Variants in LRP1B observed in about 807,000 individuals in gnomAD.
The protein encoded by LRP1B is LDL receptor related protein 1B.
LRP1B carries 217 observed loss-of-function variants against 556.6 expected under a neutral mutation model. The observed-to-expected ratio is 0.39, with a 90% CI of 0.35 to 0.44. The LOEUF is 0.44. Among genes scored for constraint, LRP1B ranks in the 20% least tolerant of loss-of-function variants. The pLI, the probability that LRP1B is intolerant of heterozygous loss-of-function variation, is 1.00. For synonymous variants in LRP1B, 2,047 were observed against 1,865.8 expected (o/e 1.10, Z -2.50); for missense variants, 5,053 against 5,620.8 (o/e 0.90, Z 3.23).
intron 1 of LRP1B, among the ~76,000 whole-genome samples, chr2:141,974,018 T>G (rs1272907736): frequency 6.6e-6 from 1 of 151,962 alleles, no homozygotes; most frequent in Non-Finnish European, 1.5e-5. Flanking sequence ...TTCTCTAGCA[T>G]GTACCAAATA....
intron 1 of LRP1B, among the ~76,000 whole-genome samples, chr2:141,895,719 G>T (rs904866771): frequency 6.6e-6 from 1 of 152,040 alleles, no homozygotes; most frequent in Non-Finnish European, 1.5e-5. Flanking sequence ...TATAGAAATC[G>T]TTGTCCTTAC....
At chr2:142,024,411 A>C (rs1370120260) in intron 1 of LRP1B, among the ~76,000 whole-genome samples, 1 of 152,136 alleles carries the variant, frequency 6.6e-6, no homozygotes, top group Non-Finnish European at 1.5e-5. Context: ...GGAGTTTCTC[A>C]TTCAGTAGCT....
At chr2:140,784,423 A>ACACACAC (rs1559117345) in intron 32 of LRP1B, among the ~76,000 whole-genome samples, 3 of 76,078 alleles carry the variant, frequency 3.9e-5, no homozygotes, top group Non-Finnish European at 9.9e-5. Context: ...CACACACACA[A>ACACACAC]AAGGCTCAGT....
At chr2:141,778,220 A>G (rs1368961897) in intron 2 of LRP1B, among the ~76,000 whole-genome samples, 1 of 152,232 alleles carries the variant, frequency 6.6e-6, no homozygotes, top group Non-Finnish European at 1.5e-5. Flanking sequence ...AGAATAGGTG[A>G]TTAGACTGCA....
chr2:141,895,418 T>A (rs951101626), intron 1 of LRP1B, among the ~76,000 whole-genome samples: 2 of 152,222 alleles, frequency 1.3e-5, no homozygotes, highest in Non-Finnish European at 2.9e-5. Flanking sequence ...TATGTAGATA[T>A]ATATTTCATT....
chr2:140,509,065 CACACACACACACACACAA>C (rs1689539032), intron 52 of LRP1B, among the ~76,000 whole-genome samples: 1 of 84,044 alleles, frequency 1.2e-5, no homozygotes, highest in Admixed American at 1.5e-4. Context: ...TACCCCTGCA[CACACACACACACACACAA>C]ACACACACAC....
At chr2:141,888,023 A>G (rs1699178070) in intron 1 of LRP1B, among the ~76,000 whole-genome samples, 1 of 152,168 alleles carries the variant, frequency 6.6e-6, no homozygotes, top group African/African-American at 2.4e-5. Flanking sequence ...AGATTTTATT[A>G]ATATCATAAA....
chr2:141,849,401 G>C (rs545195851), intron 1 of LRP1B, among the ~76,000 whole-genome samples: 1 of 151,434 alleles, frequency 6.6e-6, no homozygotes, highest in African/African-American at 2.4e-5. Flanking sequence ...TAATTATGGC[G>C]TTGACTTCGG....
intron 19 of LRP1B, 90 bp downstream of exon 19, chr2:140,951,770 C>A: frequency 2.1e-6 from 2 of 971,018 alleles, no homozygotes; most frequent in East Asian, 2.5e-5. Context: ...GCAAGATTCC[C>A]CTACAAAGTA....
intron 66 of LRP1B, among the ~76,000 whole-genome samples, chr2:140,390,468 A>G (rs1019099525): frequency 2.6e-5 from 4 of 152,164 alleles, no homozygotes; most frequent in East Asian, 1.9e-4. Flanking sequence ...AAGTATAAAC[A>G]TAATGTAAAA....
At chr2:142,038,801 T>A (rs1292731935) in intron 1 of LRP1B, among the ~76,000 whole-genome samples, 1 of 151,632 alleles carries the variant, frequency 6.6e-6, no homozygotes, top group Admixed American at 6.6e-5. Context: ...CATCTTTCAC[T>A]TAAGCAAGAT....
At chr2:140,834,729 C>T (rs1691841291) in intron 31 of LRP1B, among the ~76,000 whole-genome samples, 1 of 152,030 alleles carries the variant, frequency 6.6e-6, no homozygotes, top group African/African-American at 2.4e-5. Context: ...CATGAGTTCA[C>T]CATCCAGAAT....
At chr2:141,162,884 T>C (rs1213596971) in intron 7 of LRP1B, among the ~76,000 whole-genome samples, 2 of 152,244 alleles carry the variant, frequency 1.3e-5, no homozygotes, top group Admixed American at 6.6e-5. Flanking sequence ...ATATGGGTTT[T>C]GATTTTCCAG....
At chr2:140,437,677 G>A (rs1410937550) in intron 66 of LRP1B, among the ~76,000 whole-genome samples, 1 of 152,068 alleles carries the variant, frequency 6.6e-6, no homozygotes, top group Non-Finnish European at 1.5e-5. Context: ...TATTCTAAAT[G>A]GAAGTATATT....
chr2:141,160,691 T>C (rs933006880), intron 7 of LRP1B, among the ~76,000 whole-genome samples: 1 of 151,986 alleles, frequency 6.6e-6, no homozygotes, highest in African/African-American at 2.4e-5. Flanking sequence ...ACTTATTAAA[T>C]ACTCTTAAAG....
intron 66 of LRP1B, among the ~76,000 whole-genome samples, chr2:140,409,730 G>A (rs1684892418): frequency 1.3e-5 from 2 of 151,922 alleles, no homozygotes; most frequent in Non-Finnish European, 2.9e-5. Context: ...GAACACTGAA[G>A]CCCAAGGTAC....
chr2:141,018,669 A>T (rs1032714329), intron 12 of LRP1B, among the ~76,000 whole-genome samples: 1 of 152,162 alleles, frequency 6.6e-6, no homozygotes, highest in African/African-American at 2.4e-5. Flanking sequence ...GTGAGAAAGA[A>T]GATGCTGTTT....
intron 2 of LRP1B, among the ~76,000 whole-genome samples, chr2:141,799,575 C>G (rs1186070457): frequency 6.6e-6 from 1 of 152,182 alleles, no homozygotes; most frequent in Non-Finnish European, 1.5e-5. Flanking sequence ...GATTCTTCCT[C>G]ACACCCTCTC....
At chr2:141,671,825 T>A in intron 2 of LRP1B, among the ~76,000 whole-genome samples, 1 of 147,660 alleles carries the variant, frequency 6.8e-6, no homozygotes, top group African/African-American at 2.6e-5. Context: ...CCATCAAACT[T>A]TTTTTTTTTT....
Sources: gnomAD v4.1 joint callset for allele counts (sites outside exome capture counted in the v4.1 genomes callset) on GRCh38, gnomAD v4.1.1 for gene constraint, MANE v1.5 for transcripts, NCBI Gene and HGNC (gene_info 2026-07-23, HGNC 2026-07-21) for gene names.